PKNOX2: variants seen among roughly 807,000 people sequenced by gnomAD.
PKNOX2 encodes the protein homeobox protein PKNOX2.
In PKNOX2, 14 loss-of-function variants were observed where a neutral mutation model predicts 53.1. That is an observed-to-expected ratio of 0.26 (90% CI 0.17 to 0.41). PKNOX2 has a LOEUF of 0.41. Ranked by LOEUF, PKNOX2 falls within the 10% of genes least tolerant of loss-of-function variation. The pLI, the probability that PKNOX2 is intolerant of heterozygous loss-of-function variation, is 1.00. For synonymous variants in PKNOX2, 257 were observed against 242.8 expected (o/e 1.06, Z -0.54); for missense variants, 496 against 602.8 (o/e 0.82, Z 1.85).
chr11:125,367,831 T>G lies in PKNOX2; in HGVS notation c.88-15T>G. The stretch of plus-strand genomic sequence containing the variant: ...GCCATGCTAACCCACCACCTCCCCT[T>G]TCTTCTCTCTGCAGATGACGGCAAC... On this transcript the variant is annotated splice_polypyrimidine_tract_variant and intron_variant, in intron 4 of 12. Transcript: ENST00000298282. 1 of 1,607,350 alleles carries G rather than the reference T, an allele frequency of 6.2e-7. No individual in the cohort carries two copies. Among genetic ancestry groups the G allele is most frequent in the Non-Finnish European group, 8.5e-7 (1 of 1,177,340 alleles).
At chr11:125,312,260 G>A (rs903774892) in intron 2 of PKNOX2, among the ~76,000 whole-genome samples, 1 of 152,206 alleles carries the variant, frequency 6.6e-6, no homozygotes, top group Non-Finnish European at 1.5e-5. Context: ...GCACCACACA[G>A]TAAAAAATTC....
chr11:125,389,140 A>T (rs1953857411), intron 6 of PKNOX2, among the ~76,000 whole-genome samples: 1 of 152,198 alleles, frequency 6.6e-6, no homozygotes, highest in African/African-American at 2.4e-5. Flanking sequence ...GGTTGCAGTG[A>T]GCCGAGATCA....
At chr11:125,250,460 G>C (rs1357671012) in intron 2 of PKNOX2, among the ~76,000 whole-genome samples, 3 of 152,124 alleles carry the variant, frequency 2.0e-5, no homozygotes, top group African/African-American at 7.2e-5. Context: ...TCCTCTGCAA[G>C]AGCTCCGGTG....
chr11:125,351,352 C>A lies in PKNOX2; in HGVS notation c.47C>A (p.Thr16Lys), dbSNP rs1482680829. The A allele has an allele frequency of 6.2e-7, 1 of 1,610,050 alleles. No individual in the cohort carries two copies. Among genetic ancestry groups the A allele is most frequent in the Non-Finnish European group, 8.5e-7 (1 of 1,177,734 alleles). ...GCCCCCGCTCTGACGATGATGGCCA[C>A]GCAGAATGTCCCGCCCCCACCCTAC... Reference protein sequence around the residue: ...SPAPALTMMATQNVPPPPYQD... With the variant: ...SPAPALTMMAKQNVPPPPYQD... The change falls in exon 4 of 13, where the codon ACG becomes AAG. Residue 16 changes from threonine (T) to lysine (K), a missense_variant. Coordinates refer to ENST00000298282, the MANE Select transcript of PKNOX2 (RefSeq NM_001382323.2).
chr11:125,212,071 G>A (rs184650637), intron 1 of PKNOX2, among the ~76,000 whole-genome samples: 69 of 152,128 alleles, frequency 4.5e-4, no homozygotes, highest in Admixed American at 1.3e-3. Context: ...TCCAGCCCTC[G>A]CAATCCTTTT....
chr11:125,350,858 C>T (rs2136200002), intron 3 of PKNOX2, among the ~76,000 whole-genome samples: 1 of 152,198 alleles, frequency 6.6e-6, no homozygotes, highest in East Asian at 1.9e-4. Context: ...TCCAGAAAGC[C>T]TGGGAAACAG....
Position 125,367,901 on chromosome 11 carries a change from C to T in PKNOX2, c.143C>T (p.Pro48Leu), listed in dbSNP as rs771516873. 3.7e-6 allele frequency: 6 copies of T among 1,613,762 alleles called. No homozygotes were observed. Among genetic ancestry groups the T allele is most frequent in the Non-Finnish European group, 5.1e-6 (6 of 1,179,942 alleles). ...SKAQAVHISA[P>L]SAAASTPVPS... ...GCCCAGGCTGTCCACATCTCTGCCC[C>T]CTCAGCTGCTGCCAGCACACCTGTG... Residue 48 changes from proline to leucine, a missense_variant, in exon 5 of 13, where the codon CCC becomes CTC. Around this residue, in one of 5 missense-constraint regions of PKNOX2, gnomAD observed 168 missense variants for 178.4 expected, o/e 0.94. Transcript: ENST00000298282.
intron 2 of PKNOX2, among the ~76,000 whole-genome samples, chr11:125,273,915 G>A (rs1040832190): frequency 5.3e-5 from 8 of 152,160 alleles, no homozygotes; most frequent in African/African-American, 1.2e-4. Context: ...ACATGGACAC[G>A]GATGGTCATG....
intron 1 of PKNOX2, chr11:125,188,196 T>G (rs988996434): frequency 1.3e-5 from 2 of 152,188 alleles, no homozygotes; most frequent in African/African-American, 4.8e-5. Flanking sequence ...TGTGGTAAGT[T>G]TTCTGATTTG....
In PKNOX2 at chr11:125,264,891, G is replaced by A. The variant is rs146430000; in HGVS notation, c.-130+29776G>A. On this transcript the variant is annotated intron_variant, in intron 2 of 12. Coordinates refer to ENST00000298282, the MANE Select transcript of PKNOX2 (RefSeq NM_001382323.2). ...GCCCCATCTGTGAAATGGGAGGACT[G>A]CTCTAGGTAAGCACTTCCCAGAGTG... Among the ~76,000 whole-genome samples the A allele has an allele frequency of 1.9e-4, 29 of 152,272 alleles. 1 individual carries two copies. Among genetic ancestry groups the A allele is most frequent in the Middle Eastern group, 3.4e-3 (1 of 294 alleles).
At chr11:125,219,438 C>CAAA (rs57107061) in intron 1 of PKNOX2, among the ~76,000 whole-genome samples, 35 of 130,538 alleles carry the variant, frequency 2.7e-4, no homozygotes, top group African/African-American at 9.0e-4. Flanking sequence ...AACTCTATCT[C>CAAA]AAAAAAAAAA....
intron 1 of PKNOX2, among the ~76,000 whole-genome samples, chr11:125,180,509 G>T (rs1025144751): frequency 1.3e-5 from 2 of 152,208 alleles, no homozygotes; most frequent in Non-Finnish European, 2.9e-5. Context: ...TAAGTCATTG[G>T]TCTTTGAGCA....
At chr11:125,221,043 T>C (rs1941094088) in intron 1 of PKNOX2, among the ~76,000 whole-genome samples, 1 of 152,026 alleles carries the variant, frequency 6.6e-6, no homozygotes. Flanking sequence ...TAATCCCAGC[T>C]ACTTGGGAGG....
chr11:125,403,146 C>T (rs1204320445), intron 7 of PKNOX2, among the ~76,000 whole-genome samples: 1 of 152,164 alleles, frequency 6.6e-6, no homozygotes, highest in Non-Finnish European at 1.5e-5. Context: ...TTCATTCACG[C>T]ATCCTGCATC....
intron 1 of PKNOX2, among the ~76,000 whole-genome samples, chr11:125,221,205 G>C (rs972579653): frequency 2.0e-5 from 3 of 152,178 alleles, no homozygotes; most frequent in Non-Finnish European, 4.4e-5. Flanking sequence ...TGCAACTGCT[G>C]CTGGAGTGGA....
intron 1 of PKNOX2, among the ~76,000 whole-genome samples, chr11:125,178,659 A>T (rs1955926051): frequency 8.7e-6 from 1 of 115,122 alleles, no homozygotes; most frequent in South Asian, 2.9e-4. Context: ...GGAAGGAAGG[A>T]AGGAAGGAAG....
chr11:125,202,593 G>T (rs1938576023), intron 1 of PKNOX2, among the ~76,000 whole-genome samples: 1 of 152,182 alleles, frequency 6.6e-6, no homozygotes, highest in African/African-American at 2.4e-5. Flanking sequence ...CCGACAGAGT[G>T]CTGAGCACTG....
In PKNOX2 at chr11:125,425,903, C is replaced by T. The variant is rs1174356262; in HGVS notation, c.937-3109C>T. Among the ~76,000 whole-genome samples, 13 of 67,206 alleles carry T rather than the reference C, an allele frequency of 1.9e-4. No individual in the cohort carries two copies. In the Admixed American group the frequency reaches 2.6e-3, roughly 13 times the overall value. The allele number at this position is 67,206 out of a possible 152,430, so 44.1% of individuals were successfully genotyped here. ...ACTTACCCCACAGCCCCACAGCGTG[C>T]GTCCTGAGATACTGGACGTCCAGGA... On this transcript the variant is annotated intron_variant, in intron 10 of 12. Transcript: ENST00000298282.
intron 1 of PKNOX2, among the ~76,000 whole-genome samples, chr11:125,209,143 C>G (rs1939521253): frequency 1.3e-5 from 2 of 152,072 alleles, no homozygotes; most frequent in South Asian, 4.1e-4. Context: ...AATTACAAAG[C>G]ACTTCAAATC....
Sources: gnomAD v4.1 joint callset for allele counts (sites outside exome capture counted in the v4.1 genomes callset) on GRCh38, gnomAD v4.1.1 for gene constraint, gnomAD v4.1.1 regional missense constraint, MANE v1.5 for transcripts, NCBI Gene and HGNC (gene_info 2026-07-23, HGNC 2026-07-21) for gene names.